CRIM1: variants seen among roughly 807,000 people sequenced by gnomAD.
CRIM1 encodes the protein cysteine-rich motor neuron 1 protein.
Under a neutral mutation model 116.4 loss-of-function variants are expected in CRIM1, and 32 were observed. The observed-to-expected ratio is 0.27, with a 90% CI of 0.21 to 0.37. The LOEUF (loss-of-function observed/expected upper bound fraction) is 0.37, where lower values mean the gene tolerates loss of function less well. Among genes scored for constraint, CRIM1 ranks in the 10% least tolerant of loss-of-function variants. The pLI is 1.00. For synonymous variants in CRIM1, 590 were observed against 509.2 expected (o/e 1.16, Z -2.13); for missense variants, 1,331 against 1,354.8 (o/e 0.98, Z 0.28).
Position 36,525,395 on chromosome 2 carries a change from G to C in CRIM1, c.2428+3082G>C, listed in dbSNP as rs372953281. On this transcript the variant is annotated intron_variant, in intron 13 of 16. Coordinates refer to ENST00000280527, the MANE Select transcript of CRIM1 (RefSeq NM_016441.3). ...AGAAGTCCTGACTTCCAGTCAGCTT[G>C]GTCCCTATATAAGGGTGCCAAGCCT... Among the ~76,000 whole-genome samples, 14 of 152,278 alleles carry C rather than the reference G, an allele frequency of 9.2e-5. No individual in the cohort carries two copies. In the East Asian group the frequency reaches 2.7e-3, roughly 29 times the overall value.
chr2:36,413,262 C>T (rs2216101), intron 2 of CRIM1, among the ~76,000 whole-genome samples: 80,680 of 152,022 alleles, frequency 0.53, 23,140 homozygotes, highest in African/African-American at 0.74. Context: ...CCACAAAAAA[C>T]ATCCACTTAC....
intron 2 of CRIM1, among the ~76,000 whole-genome samples, chr2:36,434,188 T>C (rs375180581): frequency 4.6e-5 from 7 of 152,250 alleles, no homozygotes; most frequent in African/African-American, 1.7e-4. Flanking sequence ...ATAAAAGTTT[T>C]AAGAACAAAG....
chr2:36,531,682 T>C, intron 13 of CRIM1: 1 of 292,488 alleles, frequency 3.4e-6, no homozygotes, highest in African/African-American at 2.2e-5. Flanking sequence ...GTTGAAGAAG[T>C]TAACCGGAAA....
chr2:36,368,284 G>T (rs182691729), intron 1 of CRIM1, among the ~76,000 whole-genome samples: 62 of 152,334 alleles, frequency 4.1e-4, no homozygotes, highest in Non-Finnish European at 4.9e-4. Flanking sequence ...CACTGCGCAA[G>T]CTCCCTCACC....
intron 8 of CRIM1, among the ~76,000 whole-genome samples, chr2:36,501,704 A>G (rs1681008914): frequency 2.0e-5 from 3 of 152,106 alleles, no homozygotes; most frequent in Non-Finnish European, 4.4e-5. Flanking sequence ...CCTGGGTGAC[A>G]GAGCAAGACC....
chr2:36,518,628 A>C (rs916053234), intron 12 of CRIM1, among the ~76,000 whole-genome samples: 7 of 152,200 alleles, frequency 4.6e-5, no homozygotes, highest in African/African-American at 1.7e-4. Flanking sequence ...CAGAACTGTT[A>C]ATCTGAGAAG....
rs1229443593 is a variant in CRIM1 at position 36,548,574 on chromosome 2, C to T, written c.2984C>T (p.Thr995Ile). 1.2e-6 allele frequency: 2 copies of T among 1,608,570 alleles called. No homozygotes were observed. Among genetic ancestry groups the T allele is most frequent in the African/African-American group, 1.3e-5 (1 of 74,528 alleles). ...GTATCTGTGGACTGCAAGAAAGGAA[C>T]CAGAGTCCAGGTGGACAGTTCCCAG... ...QLVSVDCKKGTRVQVDSSQRM... is the reference protein window; with the variant it reads ...QLVSVDCKKGIRVQVDSSQRM... Residue 995 changes from threonine to isoleucine, a missense_variant, in exon 17 of 17, where the codon ACC (threonine) becomes ATC (isoleucine). Transcript: ENST00000280527.
At chr2:36,548,057 C>A (rs1474710048) in intron 16 of CRIM1, among the ~76,000 whole-genome samples, 1 of 152,122 alleles carries the variant, frequency 6.6e-6, no homozygotes, top group Non-Finnish European at 1.5e-5. Flanking sequence ...GATACAGTTG[C>A]CAGTGTCCAA....
At chr2:36,507,603 C>T (rs543971612) in intron 8 of CRIM1, among the ~76,000 whole-genome samples, 2 of 152,352 alleles carry the variant, frequency 1.3e-5, no homozygotes, top group South Asian at 4.1e-4. Flanking sequence ...TTCAGGGCAG[C>T]ACTAGAGCAT....
At chr2:36,499,680 C>T (rs189183047) in intron 8 of CRIM1, among the ~76,000 whole-genome samples, 163 of 152,250 alleles carry the variant, frequency 1.1e-3, no homozygotes, top group African/African-American at 3.7e-3. Flanking sequence ...AGGTCACCCA[C>T]GCATACAGTG....
intron 14 of CRIM1, among the ~76,000 whole-genome samples, chr2:36,542,930 T>TATGA: frequency 6.6e-6 from 1 of 152,162 alleles, no homozygotes; most frequent in East Asian, 1.9e-4. Flanking sequence ...GTAATTCTGA[T>TATGA]ATGATTTTTA....
At chr2:36,393,025 C>G (rs1257592941) in intron 1 of CRIM1, among the ~76,000 whole-genome samples, 1 of 152,170 alleles carries the variant, frequency 6.6e-6, no homozygotes, top group Non-Finnish European at 1.5e-5. Flanking sequence ...GGCCAGCGGC[C>G]TCATCAAAGG....
intron 12 of CRIM1, among the ~76,000 whole-genome samples, chr2:36,521,719 G>A (rs1311518763): frequency 6.6e-6 from 1 of 152,172 alleles, no homozygotes; most frequent in Non-Finnish European, 1.5e-5. Context: ...ATTAGCTACG[G>A]CTAGATGATG....
rs564618278 is a variant in CRIM1, at chr2:36,395,616, T to C, written c.332-998T>C. Among the ~76,000 whole-genome samples the C allele has an allele frequency of 4.9e-4, 74 of 152,338 alleles. 1 individual carries two copies. In the South Asian group the frequency reaches 0.015, roughly 31 times the overall value. ...TTGCATTTTTTGGAGCTGAGTCCCA[T>C]GATAGCTCTTTTTAAAATCGACCTT... On this transcript the variant is annotated intron_variant, in intron 1 of 16. Coordinates refer to ENST00000280527, the MANE Select transcript of CRIM1 (RefSeq NM_016441.3).
At chr2:36,371,107 G>A (rs1285039737) in intron 1 of CRIM1, among the ~76,000 whole-genome samples, 1 of 152,108 alleles carries the variant, frequency 6.6e-6, no homozygotes, top group African/African-American at 2.4e-5. Flanking sequence ...CCAGCAACTG[G>A]AAAATGGGTG....
intron 4 of CRIM1, among the ~76,000 whole-genome samples, chr2:36,457,704 G>A (rs1019482879): frequency 2.0e-5 from 3 of 151,760 alleles, no homozygotes; most frequent in Admixed American, 6.6e-5. Flanking sequence ...AAGAAGGGTT[G>A]GACCCTCAGA....
chr2:36,410,063 A>T (rs1673093643), intron 2 of CRIM1, among the ~76,000 whole-genome samples: 2 of 152,202 alleles, frequency 1.3e-5, no homozygotes. Flanking sequence ...TTCTCTTGCT[A>T]AGTGTTTTCT....
chr2:36,425,750 A>G (rs1036477876), intron 2 of CRIM1, among the ~76,000 whole-genome samples: 4 of 152,196 alleles, frequency 2.6e-5, no homozygotes, highest in Non-Finnish European at 5.9e-5. Context: ...GGTAATGGGT[A>G]GAAGAGTTAG....
intron 2 of CRIM1, among the ~76,000 whole-genome samples, chr2:36,420,634 T>C (rs1673983367): frequency 6.6e-6 from 1 of 152,158 alleles, no homozygotes; most frequent in Non-Finnish European, 1.5e-5. Flanking sequence ...TTTTCAAAAG[T>C]TCAGGAGGTC....
Sources: gnomAD v4.1 joint callset for allele counts (sites outside exome capture counted in the v4.1 genomes callset) on GRCh38, gnomAD v4.1.1 for gene constraint, MANE v1.5 for transcripts, NCBI Gene and HGNC (gene_info 2026-07-23, HGNC 2026-07-21) for gene names.